GDPD5: variants seen among roughly 807,000 people sequenced by gnomAD.
The protein encoded by GDPD5 is glycerophosphodiester phosphodiesterase domain containing 5.
Under a neutral mutation model 75.1 loss-of-function variants are expected in GDPD5, and 48 were observed. The ratio of observed to expected loss-of-function variants is 0.64; its 90% CI spans 0.51 to 0.81. GDPD5 has a LOEUF of 0.81. Among genes scored for constraint, GDPD5 ranks in the 40% least tolerant of loss-of-function variants. The pLI is 0.00. For missense variants in GDPD5, 706 were observed against 822.6 expected, an observed-to-expected ratio of 0.86 and a Z score of 1.73; for synonymous variants, 336 against 339.0, an observed-to-expected ratio of 0.99 and a Z score of 0.10.
Position 75,457,685 on chromosome 11 carries a change from C to T in GDPD5, c.315+8G>A, listed in dbSNP as rs1455929556. On this transcript the variant is annotated splice_region_variant and intron_variant, in intron 5 of 16. Transcript: ENST00000336898. ...GGGCCACCTGCCCTCCAAAACAGCC[C>T]CATGTACCAGGAGGCCAGCGATGTA... 1.2e-6 allele frequency: 2 copies of T among 1,613,536 alleles called. No homozygotes were observed. Among genetic ancestry groups the T allele is most frequent in the Non-Finnish European group, 1.7e-6 (2 of 1,179,476 alleles).
chr11:75,495,985 C>T (rs1950202100), intron 1 of GDPD5, among the ~76,000 whole-genome samples: 1 of 152,212 alleles, frequency 6.6e-6, no homozygotes, highest in African/African-American at 2.4e-5. Context: ...GGCTGTATTT[C>T]CAGGGCAGTA....
chr11:75,504,830 A>T (rs1009917062), intron 1 of GDPD5, among the ~76,000 whole-genome samples: 1 of 152,152 alleles, frequency 6.6e-6, no homozygotes, highest in African/African-American at 2.4e-5. Flanking sequence ...TACAATTTTT[A>T]AAAATACTCT....
chr11:75,499,611 G>A (rs376855094), intron 1 of GDPD5, among the ~76,000 whole-genome samples: 5 of 152,052 alleles, frequency 3.3e-5, no homozygotes, highest in African/African-American at 1.2e-4. Flanking sequence ...GCCACTCCAA[G>A]TGGCCAGCTG....
intron 2 of GDPD5, among the ~76,000 whole-genome samples, chr11:75,489,265 C>CT (rs1404776304): frequency 6.6e-6 from 1 of 152,186 alleles, no homozygotes; most frequent in African/African-American, 2.4e-5. Context: ...TGTACCATAT[C>CT]TAGTGTAAGA....
At chr11:75,447,953 TG>T (rs539936136) in intron 9 of GDPD5, among the ~76,000 whole-genome samples, 1 of 152,336 alleles carries the variant, frequency 6.6e-6, no homozygotes, top group African/African-American at 2.4e-5. Flanking sequence ...GGGTCAGCAC[TG>T]GAGTCTGGCT....
chr11:75,472,808 TAA>T (rs1488980759), intron 3 of GDPD5, among the ~76,000 whole-genome samples: 11 of 151,840 alleles, frequency 7.2e-5, no homozygotes, highest in South Asian at 2.1e-4. Context: ...GACGCTATCC[TAA>T]AGAGTCCAGT....
chr11:75,489,910 C>T (rs573558381), intron 2 of GDPD5, among the ~76,000 whole-genome samples: 1 of 152,196 alleles, frequency 6.6e-6, no homozygotes, highest in East Asian at 1.9e-4. Flanking sequence ...GGCGACCTGC[C>T]TGGGTTTGAA....
At chr11:75,439,395 A>G (rs1948723600) in intron 15 of GDPD5, 2 of 455,730 alleles carry the variant, frequency 4.4e-6, no homozygotes, top group South Asian at 1.6e-5. Flanking sequence ...GGGGAGGGGG[A>G]GAGAGGAGGG....
chr11:75,443,040 G>A, intron 11 of GDPD5, 96 bp downstream of exon 11: 1 of 1,396,566 alleles, frequency 7.2e-7, no homozygotes. Flanking sequence ...CTGAGAGTGG[G>A]GGTCTCGAAG....
At chr11:75,512,863 G>A (rs1381867729) in intron 1 of GDPD5, among the ~76,000 whole-genome samples, 1 of 152,184 alleles carries the variant, frequency 6.6e-6, no homozygotes, top group Non-Finnish European at 1.5e-5. Context: ...TGCAGCCTGG[G>A]CAACAAGAGC....
chr11:75,518,014 G>A (rs1037593475), intron 1 of GDPD5, among the ~76,000 whole-genome samples: 6 of 152,172 alleles, frequency 3.9e-5, no homozygotes, highest in Non-Finnish European at 8.8e-5. Context: ...GAGAGAAAGG[G>A]GACAGTGGGA....
chr11:75,502,252 C>T (rs1950315828), intron 1 of GDPD5, among the ~76,000 whole-genome samples: 1 of 152,264 alleles, frequency 6.6e-6, no homozygotes, highest in South Asian at 2.1e-4. Context: ...TCCAGCTCAA[C>T]ACTTTTGCAA....
rs1941632876 is a variant in GDPD5 at position 75,525,548 on chromosome 11, C to A, written c.-483G>T. 1 of 152,302 alleles carries A rather than the reference C, an allele frequency of 6.6e-6. No homozygotes were observed. The highest frequency in any genetic ancestry group is 2.4e-5 in the African/African-American group (1 of 41,446). The allele number at this position is 152,302 out of a possible 1,614,324, so 9.4% of individuals were successfully genotyped here. On this transcript the variant is annotated 5_prime_UTR_variant, in exon 1 of 17. Coordinates refer to ENST00000336898, the MANE Select transcript of GDPD5 (RefSeq NM_030792.8). Reference sequence around the variant, plus strand: ...GCCCTGGAGCTGGGGTTCCGACCCTCACTGACGGAAAGGCGCGGAGCGACC... The same window carrying A: ...GCCCTGGAGCTGGGGTTCCGACCCTAACTGACGGAAAGGCGCGGAGCGACC...
intron 4 of GDPD5, among the ~76,000 whole-genome samples, chr11:75,458,742 T>C (rs1949348222): frequency 6.6e-6 from 1 of 152,026 alleles, no homozygotes; most frequent in East Asian, 1.9e-4. Context: ...CTCATGAGGA[T>C]GAAGTGAGGT....
chr11:75,441,439 A>G, intron 13 of GDPD5, 129 bp from the exon 14 acceptor site: 2 of 1,286,522 alleles, frequency 1.6e-6, no homozygotes, highest in Non-Finnish European at 2.2e-6. Context: ...TTGGCTCCAG[A>G]GGGCCAAGCT....
At chr11:75,518,250 G>C (rs1037940833) in intron 1 of GDPD5, among the ~76,000 whole-genome samples, 2 of 152,208 alleles carry the variant, frequency 1.3e-5, no homozygotes, top group African/African-American at 4.8e-5. Context: ...GACACGCAGG[G>C]AGCAGCTGCA....
At chr11:75,464,370 A>C (rs1949474685) in intron 3 of GDPD5, among the ~76,000 whole-genome samples, 1 of 152,170 alleles carries the variant, frequency 6.6e-6, no homozygotes, top group South Asian at 2.1e-4. Context: ...CTTGGTGAGC[A>C]CTCAGCACAC....
chr11:75,439,052 C>T (rs1417636614), intron 15 of GDPD5, among the ~76,000 whole-genome samples: 1 of 152,146 alleles, frequency 6.6e-6, no homozygotes, highest in Non-Finnish European at 1.5e-5. Context: ...CCCAGGGAGA[C>T]ACTTTGGTGC....
chr11:75,504,991 G>A (rs752114656), intron 1 of GDPD5, among the ~76,000 whole-genome samples: 1 of 151,882 alleles, frequency 6.6e-6, no homozygotes, highest in Non-Finnish European at 1.5e-5. Context: ...CCGGGTGTGC[G>A]CATGCCTGTA....
Sources: gnomAD v4.1 joint callset for allele counts (sites outside exome capture counted in the v4.1 genomes callset) on GRCh38, gnomAD v4.1.1 for gene constraint, MANE v1.5 for transcripts, NCBI Gene and HGNC (gene_info 2026-07-23, HGNC 2026-07-21) for gene names.